PCDH9: variants seen among roughly 807,000 people sequenced by gnomAD.
The protein encoded by PCDH9 is protocadherin 9.
PCDH9 carries 24 observed loss-of-function variants against 70.6 expected under a neutral mutation model. That is an observed-to-expected ratio of 0.34 (90% confidence interval 0.25 to 0.48). PCDH9 has a LOEUF of 0.48. Ranked by LOEUF, PCDH9 falls within the 20% of genes least tolerant of loss-of-function variation. The pLI, the probability that PCDH9 is intolerant of heterozygous loss-of-function variation, is 0.99. For missense variants in PCDH9, 1,281 were observed against 1,503.6 expected (o/e 0.85, Z 2.45); for synonymous variants, 562 against 558.5 (o/e 1.01, Z -0.09).
intron 2 of PCDH9, among the ~76,000 whole-genome samples, chr13:66,983,784 G>A (rs1457167062): frequency 6.6e-6 from 1 of 151,832 alleles, no homozygotes; most frequent in Non-Finnish European, 1.5e-5. Flanking sequence ...TGTGACCGAG[G>A]AGGTGCTAAG....
intron 4 of PCDH9, among the ~76,000 whole-genome samples, chr13:66,305,324 T>G (rs1428679707): frequency 2.0e-5 from 3 of 152,044 alleles, no homozygotes; most frequent in Non-Finnish European, 4.4e-5. Context: ...GGTATAACCA[T>G]GATGTATACA....
chr13:67,020,744 G>T (rs1044787289), intron 2 of PCDH9, among the ~76,000 whole-genome samples: 1 of 152,168 alleles, frequency 6.6e-6, no homozygotes, highest in Admixed American at 6.5e-5. Flanking sequence ...ATCATATGTG[G>T]AGTCATGGGA....
intron 4 of PCDH9, among the ~76,000 whole-genome samples, chr13:66,618,831 T>C (rs1371803183): frequency 6.6e-6 from 1 of 152,170 alleles, no homozygotes; most frequent in Non-Finnish European, 1.5e-5. Flanking sequence ...CTTGGAAGAA[T>C]GGATCACATG....
chr13:66,348,500 C>A (rs1044796589), intron 4 of PCDH9, among the ~76,000 whole-genome samples: 1 of 151,824 alleles, frequency 6.6e-6, no homozygotes, highest in African/African-American at 2.4e-5. Flanking sequence ...GGGATTCAAG[C>A]GATTCTCCTG....
chr13:66,725,870 G>C (rs188061714), intron 3 of PCDH9, among the ~76,000 whole-genome samples: 43 of 152,226 alleles, frequency 2.8e-4, no homozygotes, highest in African/African-American at 9.9e-4. Flanking sequence ...CTAAGGAAAA[G>C]TATCATTTCC....
At position 66,469,921 on chromosome 13, in the gene PCDH9, G is replaced by A. The variant is rs923423907; in HGVS notation, c.3340+161289C>T. Among the ~76,000 whole-genome samples the A allele has an allele frequency of 2.6e-5, 4 of 152,024 alleles. No individual in the cohort carries two copies. The East Asian group carries it at 5.8e-4, about 22-fold the overall frequency. ...TTTCATGGACAGGGCCACTTTAATC[G>A]TCCTTCAAAGCTAATGGCAGAGTGG... On this transcript the variant is annotated intron_variant, in intron 4 of 4. Transcript: ENST00000377865.
At chr13:66,369,848 A>G (rs1450666556) in intron 4 of PCDH9, among the ~76,000 whole-genome samples, 1 of 152,094 alleles carries the variant, frequency 6.6e-6, no homozygotes, top group Non-Finnish European at 1.5e-5. Flanking sequence ...AAAATTGTCT[A>G]TTAGTAGTCC....
chr13:67,223,723 C>T (rs2089784559), intron 2 of PCDH9: 1 of 152,016 alleles, frequency 6.6e-6, no homozygotes. Context: ...AAAATTAAGT[C>T]GTTCTAACTT....
intron 2 of PCDH9, among the ~76,000 whole-genome samples, chr13:67,092,917 GC>G (rs2086246706): frequency 7.0e-6 from 1 of 142,212 alleles, no homozygotes; most frequent in Non-Finnish European, 1.6e-5. Flanking sequence ...TGGAATTGCA[GC>G]TTTTAATGGC....
rs369321656 is a variant in PCDH9 at position 66,424,000 on chromosome 13, G to A, written c.3341-118972C>T. On this transcript the variant is annotated intron_variant, in intron 4 of 4. Coordinates refer to ENST00000377865, the MANE Select transcript of PCDH9 (RefSeq NM_203487.3). The stretch of plus-strand genomic sequence containing the variant: ...AAGTCTCAGGATACAAAATAGATGT[G>A]CAAAAATCACAAGCATTCGTATACA... Among the ~76,000 whole-genome samples the A allele has an allele frequency of 5.9e-4, 90 of 152,148 alleles. 1 individual carries two copies. In the South Asian group the frequency reaches 0.018, roughly 31 times the overall value.
intron 3 of PCDH9, among the ~76,000 whole-genome samples, chr13:66,857,713 G>C (rs1257261708): frequency 6.6e-6 from 1 of 151,936 alleles, no homozygotes; most frequent in African/African-American, 2.4e-5. Flanking sequence ...GACTAAATGA[G>C]TGATTTCAGA....
chr13:66,564,335 T>A (rs139728530), intron 4 of PCDH9, among the ~76,000 whole-genome samples: 1 of 122,362 alleles, frequency 8.2e-6, no homozygotes, highest in Admixed American at 9.6e-5. Flanking sequence ...CAGCTGATTT[T>A]TAGATTTTTT....
intron 3 of PCDH9, among the ~76,000 whole-genome samples, chr13:66,651,821 T>C (rs1217273029): frequency 6.6e-6 from 1 of 152,054 alleles, no homozygotes; most frequent in Non-Finnish European, 1.5e-5. Context: ...TATGACCCAG[T>C]GAGATTTATC....
chr13:66,575,433 G>T (rs1429028780), intron 4 of PCDH9, among the ~76,000 whole-genome samples: 4 of 152,038 alleles, frequency 2.6e-5, no homozygotes, highest in East Asian at 1.9e-4. Flanking sequence ...GTCCCATCAG[G>T]ATCTACTCAA....
intron 3 of PCDH9, among the ~76,000 whole-genome samples, chr13:66,645,319 C>T (rs772006737): frequency 6.6e-6 from 1 of 151,942 alleles, no homozygotes; most frequent in Non-Finnish European, 1.5e-5. Flanking sequence ...CAGGGCAAAA[C>T]TGTTAGAAGA....
intron 3 of PCDH9, among the ~76,000 whole-genome samples, chr13:66,726,445 A>G (rs1343680177): frequency 1.3e-5 from 2 of 151,806 alleles, no homozygotes; most frequent in East Asian, 1.9e-4. Context: ...TGGATAAGTA[A>G]GTGAATCTGT....
intron 3 of PCDH9, among the ~76,000 whole-genome samples, chr13:66,862,431 C>T (rs2081500014): frequency 6.6e-6 from 1 of 152,132 alleles, no homozygotes; most frequent in South Asian, 2.1e-4. Context: ...GTTAACTGAG[C>T]ACCTATTTCC....
At chr13:66,398,579 A>T (rs1288139760) in intron 4 of PCDH9, among the ~76,000 whole-genome samples, 12 of 152,180 alleles carry the variant, frequency 7.9e-5, no homozygotes. Flanking sequence ...GATAACATTT[A>T]AATGAATTAT....
intron 4 of PCDH9, among the ~76,000 whole-genome samples, chr13:66,362,502 T>C (rs1956488572): frequency 6.6e-6 from 1 of 152,176 alleles, no homozygotes; most frequent in Non-Finnish European, 1.5e-5. Flanking sequence ...GACTCACACA[T>C]TTTTAGAGGT....
Sources: gnomAD v4.1 joint callset for allele counts (sites outside exome capture counted in the v4.1 genomes callset) on GRCh38, gnomAD v4.1.1 for gene constraint, MANE v1.5 for transcripts, NCBI Gene and HGNC (gene_info 2026-07-23, HGNC 2026-07-21) for gene names.